Variants in SLC25A21 observed in about 807,000 individuals in gnomAD.
The protein encoded by SLC25A21 is solute carrier family 25 member 21.
Under a neutral mutation model 43.8 loss-of-function variants are expected in SLC25A21, and 47 were observed. The ratio of observed to expected loss-of-function variants is 1.07; its 90% CI spans 0.85 to 1.37. The LOEUF is 1.37. Ranked by LOEUF, SLC25A21 falls within the 40% of genes most tolerant of loss-of-function variation. The probability of loss-of-function intolerance (pLI) is 0.00; values close to 1 mark genes in which losing one functional copy is unlikely to be tolerated. For missense variants in SLC25A21, 352 were observed against 350.2 expected, an observed-to-expected ratio of 1.00 and a Z score of -0.04; for synonymous variants, 131 against 121.3, an observed-to-expected ratio of 1.08 and a Z score of -0.52.
chr14:36,820,945 AC>A (rs1305408740), intron 2 of SLC25A21, among the ~76,000 whole-genome samples: 2 of 152,352 alleles, frequency 1.3e-5, no homozygotes, highest in East Asian at 3.9e-4. Flanking sequence ...CAATTACAGA[AC>A]ACATTAAAAG....
chr14:36,974,440 G>T (rs761758719), intron 1 of SLC25A21, among the ~76,000 whole-genome samples: 20 of 152,136 alleles, frequency 1.3e-4, no homozygotes, highest in Non-Finnish European at 2.2e-4. Context: ...GAAACAGTAG[G>T]TACACATATT....
intron 1 of SLC25A21, among the ~76,000 whole-genome samples, chr14:37,033,515 A>G (rs957857964): frequency 1.3e-5 from 2 of 152,216 alleles, no homozygotes; most frequent in African/African-American, 4.8e-5. Flanking sequence ...AAGTCCATCC[A>G]TCAGCTATTA....
chr14:37,032,804 T>C (rs575566060), intron 1 of SLC25A21, among the ~76,000 whole-genome samples: 9 of 152,006 alleles, frequency 5.9e-5, no homozygotes, highest in Non-Finnish European at 8.8e-5. Flanking sequence ...TTCAGGAAAA[T>C]TTAGCATTTT....
At chr14:37,110,284 A>G (rs932013818) in intron 1 of SLC25A21, among the ~76,000 whole-genome samples, 13 of 152,192 alleles carry the variant, frequency 8.5e-5, no homozygotes, top group African/African-American at 2.9e-4. Flanking sequence ...TCCCTTGAGC[A>G]CTTGCTTCAT....
intron 1 of SLC25A21, among the ~76,000 whole-genome samples, chr14:37,081,624 G>A (rs571081737): frequency 6.6e-6 from 1 of 152,146 alleles, no homozygotes; most frequent in Non-Finnish European, 1.5e-5. Context: ...ACCATTATTG[G>A]CTTAACAGTT....
rs776927865 is a variant in SLC25A21, at chr14:37,086,155, C to A, written c.70+86126G>T. Among the ~76,000 whole-genome samples the A allele has an allele frequency of 1.4e-4, 22 of 152,014 alleles. No individual in the cohort carries two copies. In the Middle Eastern group the frequency reaches 0.017, roughly 118 times the overall value. ...TTTTTATAGAAACTACTTTGGGGGC[C>A]TGGGGTTTTTTTTATTATTGTTGCT... On this transcript the variant is annotated intron_variant, in intron 1 of 9. Coordinates refer to ENST00000331299, the MANE Select transcript of SLC25A21 (RefSeq NM_030631.4).
At chr14:36,885,281 G>A (rs1041195694) in intron 1 of SLC25A21, among the ~76,000 whole-genome samples, 2 of 152,102 alleles carry the variant, frequency 1.3e-5, no homozygotes, top group Non-Finnish European at 2.9e-5. Context: ...ATAAATGCAT[G>A]GGTTTATTTG....
chr14:37,162,382 G>C (rs375810666), intron 1 of SLC25A21, among the ~76,000 whole-genome samples: 1 of 152,134 alleles, frequency 6.6e-6, no homozygotes, highest in African/African-American at 2.4e-5. Context: ...TTCTTCTAGG[G>C]TTTACTCATC....
At chr14:36,786,559 G>A (rs766829905) in intron 3 of SLC25A21, among the ~76,000 whole-genome samples, 18 of 152,164 alleles carry the variant, frequency 1.2e-4, no homozygotes, top group Admixed American at 1.0e-3. Flanking sequence ...TCCCAGCGAT[G>A]TTATTTTGCA....
chr14:36,827,412 C>A (rs1445167100), intron 2 of SLC25A21, among the ~76,000 whole-genome samples: 1 of 152,186 alleles, frequency 6.6e-6, no homozygotes, highest in Non-Finnish European at 1.5e-5. Context: ...CACTCTTACT[C>A]ATGTGCATTA....
In SLC25A21 at chr14:36,680,698, A is replaced by G. The variant is rs201887460; in HGVS notation, c.860T>C (p.Val287Ala). 6.2e-7 allele frequency: 1 copy of G among 1,613,316 alleles called. No individual in the cohort carries two copies. The highest frequency in any genetic ancestry group is 2.2e-5 in the East Asian group (1 of 44,854). The change falls in exon 10 of 10, where the codon GTT (valine) becomes GCT (alanine). Residue 287 changes from valine to alanine, a missense_variant. Transcript: ENST00000331299. ...AAGCCATGAATAGGTGTATTCATAA[A>G]CCAGCAGCATCACTGCACCACCTAG... ...LGPGGAVMLL[V>A]YEYTYSWLQE...
intron 1 of SLC25A21, among the ~76,000 whole-genome samples, chr14:36,918,857 C>T (rs1484931982): frequency 6.6e-6 from 1 of 151,900 alleles, no homozygotes; most frequent in African/African-American, 2.4e-5. Context: ...AGGAAAAGCC[C>T]GAAAGATCCT....
chr14:37,147,811 G>A (rs1963691791), intron 1 of SLC25A21, among the ~76,000 whole-genome samples: 2 of 148,588 alleles, frequency 1.3e-5, no homozygotes, highest in African/African-American at 2.5e-5. Context: ...CTCACACATG[G>A]TAACTATATT....
intron 3 of SLC25A21, among the ~76,000 whole-genome samples, chr14:36,745,996 A>AT (rs1885481078): frequency 6.6e-6 from 1 of 152,186 alleles, no homozygotes; most frequent in African/African-American, 2.4e-5. Flanking sequence ...ACGCTTCTAC[A>AT]CTGCTGGTGG....
chr14:37,032,001 T>C (rs1028070175), intron 1 of SLC25A21, among the ~76,000 whole-genome samples: 1 of 152,194 alleles, frequency 6.6e-6, no homozygotes, highest in African/African-American at 2.4e-5. Context: ...CTCTCCTCTT[T>C]AGCACTTTTA....
At chr14:36,958,395 A>G (rs748311209) in intron 1 of SLC25A21, among the ~76,000 whole-genome samples, 14 of 152,204 alleles carry the variant, frequency 9.2e-5, no homozygotes, top group Non-Finnish European at 1.9e-4. Context: ...TGAACAAGCC[A>G]TTTAGAAAAT....
Position 36,889,473 on chromosome 14 carries a change from T to C in SLC25A21, c.71-14469A>G, listed in dbSNP as rs1017694305. Among the ~76,000 whole-genome samples, 14 of 151,752 alleles carry C rather than the reference T, an allele frequency of 9.2e-5. 1 individual carries two copies. The highest frequency in any genetic ancestry group is 3.2e-4 in the African/African-American group (13 of 41,048). ...ACATTAGTACTGATGGGAAACATTA[T>C]CTTAATCAATTAATTAATTTGATTG... On this transcript the variant is annotated intron_variant, in intron 1 of 9. Transcript: ENST00000331299.
At chr14:37,062,451 CA>C (rs796706631) in intron 1 of SLC25A21, among the ~76,000 whole-genome samples, 17 of 151,234 alleles carry the variant, frequency 1.1e-4, no homozygotes, top group African/African-American at 3.9e-4. Context: ...CATATATTCG[CA>C]AAATAATTTT....
chr14:36,908,186 T>C (rs1011072877), intron 1 of SLC25A21, among the ~76,000 whole-genome samples: 3 of 152,144 alleles, frequency 2.0e-5, no homozygotes, highest in African/African-American at 7.2e-5. Flanking sequence ...CCATAGACTA[T>C]ACCACACCAA....
Sources: allele counts gnomAD v4.1 joint callset (sites outside exome capture counted in the v4.1 genomes callset), GRCh38; gene constraint gnomAD v4.1.1; transcripts MANE v1.5; gene names NCBI Gene and HGNC (gene_info 2026-07-23, HGNC 2026-07-21).